TBC1D32: variants seen among roughly 807,000 people sequenced by gnomAD.
TBC1D32 encodes TBC1 domain family member 32, also known as protein broad-minded.
Under a neutral mutation model 170.3 loss-of-function variants are expected in TBC1D32, and 151 were observed. The observed-to-expected ratio is 0.89, with a 90% CI of 0.78 to 1.01. The LOEUF (loss-of-function observed/expected upper bound fraction) is 1.01, where lower values mean the gene tolerates loss of function less well. Among genes scored for constraint, TBC1D32 ranks in the 50% least tolerant of loss-of-function variants. The pLI, the probability that TBC1D32 is intolerant of heterozygous loss-of-function variation, is 0.00. For synonymous variants in TBC1D32, 498 were observed against 488.0 expected, an observed-to-expected ratio of 1.02 and a Z score of -0.27; for missense variants, 1,464 against 1,457.1, an observed-to-expected ratio of 1.00 and a Z score of -0.08.
chr6:121,170,486 A>T, intron 22 of TBC1D32: 1 of 1,607,564 alleles, frequency 6.2e-7, no homozygotes, highest in Admixed American at 1.7e-5. Flanking sequence ...AGCCTCTAAC[A>T]GGAGAAGAGT....
chr6:121,247,698 A>AAAAAAAAAAAAG, intron 17 of TBC1D32, among the ~76,000 whole-genome samples: 1 of 144,070 alleles, frequency 6.9e-6, no homozygotes, highest in African/African-American at 2.6e-5. Flanking sequence ...TTTAAAGCAA[A>AAAAAAAAAAAAG]AAAAAAAAAA....
intron 24 of TBC1D32, among the ~76,000 whole-genome samples, chr6:121,150,791 A>G (rs1214835201): frequency 2.0e-5 from 3 of 152,218 alleles, no homozygotes; most frequent in Admixed American, 1.3e-4. Context: ...TTATTTGCAT[A>G]TAAGTGTTTA....
chr6:121,095,448 G>A (rs1021550035), intron 30 of TBC1D32, among the ~76,000 whole-genome samples: 1 of 151,966 alleles, frequency 6.6e-6, no homozygotes, highest in Admixed American at 6.6e-5. Flanking sequence ...TGATTGCCCT[G>A]GCCAGAACTT....
At chr6:121,259,882 T>C (rs1013532399) in intron 15 of TBC1D32, among the ~76,000 whole-genome samples, 2 of 152,142 alleles carry the variant, frequency 1.3e-5, no homozygotes, top group African/African-American at 4.8e-5. Flanking sequence ...TTCATGCAGC[T>C]AACCCAGTGT....
At chr6:121,212,439 G>T (rs1051900897) in intron 21 of TBC1D32, among the ~76,000 whole-genome samples, 2 of 148,706 alleles carry the variant, frequency 1.3e-5, no homozygotes, top group Non-Finnish European at 3.0e-5. Context: ...AAAAACTTCA[G>T]GTCAATATCT....
intron 30 of TBC1D32, among the ~76,000 whole-genome samples, chr6:121,104,509 T>C (rs1778488458): frequency 6.6e-6 from 1 of 151,734 alleles, no homozygotes; most frequent in African/African-American, 2.4e-5. Flanking sequence ...AGAATTATTT[T>C]GGAAGAACTA....
intron 15 of TBC1D32, among the ~76,000 whole-genome samples, chr6:121,258,127 T>C (rs1409424196): frequency 6.6e-6 from 1 of 152,188 alleles, no homozygotes; most frequent in African/African-American, 2.4e-5. Context: ...TCTTTTTCTC[T>C]TATATTAAAA....
rs544365751 is a variant in TBC1D32, at chr6:121,220,518, G to A, written c.2481+2718C>T. 5.3e-5 allele frequency among the ~76,000 whole-genome samples: 8 copies of A among 152,162 alleles called. 1 individual carries two copies. The highest frequency in any genetic ancestry group is 1.0e-4 in the Non-Finnish European group (7 of 68,036). ...TGGTTCATGGGATTCAAGGAAAGAA[G>A]CTGTCTGAATAACATGAAAGTACAA... On this transcript the variant is annotated intron_variant, in intron 21 of 31. Transcript: ENST00000398212.
At chr6:121,307,679 GT>G (rs1313344154) in intron 5 of TBC1D32, among the ~76,000 whole-genome samples, 1 of 152,040 alleles carries the variant, frequency 6.6e-6, no homozygotes, top group African/African-American at 2.4e-5. Context: ...GGCCAACATG[GT>G]CAAACCGCAT....
chr6:121,299,163 C>T (rs1806088040), intron 10 of TBC1D32, among the ~76,000 whole-genome samples: 1 of 152,024 alleles, frequency 6.6e-6, no homozygotes, highest in South Asian at 2.1e-4. Context: ...CATGCTACTG[C>T]TTAAAAATAT....
At chr6:121,193,703 AAT>A (rs911114941) in intron 22 of TBC1D32, among the ~76,000 whole-genome samples, 4 of 152,232 alleles carry the variant, frequency 2.6e-5, no homozygotes, top group African/African-American at 9.6e-5. Context: ...TTAACTAATT[AAT>A]CACAGTGTTT....
chr6:121,117,222 A>T (rs1033587931), intron 26 of TBC1D32, among the ~76,000 whole-genome samples: 1 of 152,208 alleles, frequency 6.6e-6, no homozygotes, highest in Admixed American at 6.5e-5. Context: ...TTTAAATGAG[A>T]ATATATGGAG....
intron 24 of TBC1D32, among the ~76,000 whole-genome samples, chr6:121,159,266 C>T (rs1785298587): frequency 6.6e-6 from 1 of 152,196 alleles, no homozygotes; most frequent in Non-Finnish European, 1.5e-5. Context: ...GAGTTCATGA[C>T]TCCACAAAGG....
chr6:121,095,016 G>T (rs183417076), intron 30 of TBC1D32, among the ~76,000 whole-genome samples: 39 of 152,044 alleles, frequency 2.6e-4, no homozygotes, highest in African/African-American at 7.2e-4. Context: ...TTTCAAAAAC[G>T]ATCAGTTGAG....
Position 121,205,414 on chromosome 6 carries a change from C to T in TBC1D32, c.2482-251G>A, listed in dbSNP as rs77595133. Among the ~76,000 whole-genome samples, 104 of 152,204 alleles carry T rather than the reference C, an allele frequency of 6.8e-4. No homozygotes were observed. In the East Asian group the frequency reaches 0.019, roughly 28 times the overall value. ...TTTACATTAGGACTGTAAAAGTTTC[C>T]GAAGTGAATCCAGTATTCAGCCAAA... is the stretch of plus-strand genomic sequence containing the variant. On this transcript the variant is annotated intron_variant, in intron 21 of 31. Coordinates refer to ENST00000398212, the MANE Select transcript of TBC1D32 (RefSeq NM_152730.6).
intron 27 of TBC1D32, 69 bp from the exon 28 acceptor site, chr6:121,113,246 T>C: frequency 1.0e-6 from 1 of 990,158 alleles, no homozygotes; most frequent in Non-Finnish European, 1.5e-6. Flanking sequence ...ATTACTTCTT[T>C]TAGCATAACT....
At chr6:121,298,929 AT>A (rs1806048633) in intron 10 of TBC1D32, among the ~76,000 whole-genome samples, 1 of 152,062 alleles carries the variant, frequency 6.6e-6, no homozygotes, top group African/African-American at 2.4e-5. Context: ...TTTCTTTTTA[AT>A]TATTTTCAGT....
At position 121,304,861 on chromosome 6, in the gene TBC1D32, T is replaced by A. The variant is rs773111487; in HGVS notation, c.691-28A>T. On this transcript the variant is annotated intron_variant, in intron 5 of 31. Coordinates refer to ENST00000398212, the MANE Select transcript of TBC1D32 (RefSeq NM_152730.6). ...ACGGAAATGAGACAGAAAATTTGCATCTAAGATCTCACAAGAATAGAATAG... is the reference window on the plus strand; with the variant it reads ...ACGGAAATGAGACAGAAAATTTGCAACTAAGATCTCACAAGAATAGAATAG... 5.5e-6 allele frequency: 8 copies of A among 1,459,342 alleles called. No homozygotes were observed. In the South Asian group the frequency reaches 8.3e-5, roughly 15 times the overall value. The allele number at this position is 1,459,342 out of a possible 1,614,324, so 90.4% of individuals were successfully genotyped here. A position where few individuals can be genotyped will look rare whatever the true frequency, so the allele number is the denominator to read the frequency against.
chr6:121,288,558 G>T, intron 12 of TBC1D32, among the ~76,000 whole-genome samples: 1 of 152,028 alleles, frequency 6.6e-6, no homozygotes, highest in East Asian at 1.9e-4. Flanking sequence ...ATTCACAGCC[G>T]AATTCTACCA....
Sources: gnomAD v4.1 joint callset for allele counts (sites outside exome capture counted in the v4.1 genomes callset) on GRCh38, gnomAD v4.1.1 for gene constraint, MANE v1.5 for transcripts, NCBI Gene and HGNC (gene_info 2026-07-23, HGNC 2026-07-21) for gene names.